Variants in FSTL1 observed in about 807,000 individuals in gnomAD.
FSTL1 encodes the protein follistatin like 1, also known as follistatin-related protein 1.
A neutral mutation model predicts 45.9 loss-of-function variants in FSTL1; 24 were observed. The ratio of observed to expected loss-of-function variants is 0.52; its 90% CI spans 0.38 to 0.74. FSTL1 has a LOEUF of 0.74. Ranked by LOEUF, FSTL1 falls within the 30% of genes least tolerant of loss-of-function variation. The pLI, the probability that FSTL1 is intolerant of heterozygous loss-of-function variation, is 0.00. For synonymous variants in FSTL1, 120 were observed against 137.6 expected (o/e 0.87, Z 0.89); for missense variants, 340 against 381.8 (o/e 0.89, Z 0.91).
At chr3:120,430,753 C>T (rs1372280501) in intron 2 of FSTL1, among the ~76,000 whole-genome samples, 1 of 152,122 alleles carries the variant, frequency 6.6e-6, no homozygotes, top group African/African-American at 2.4e-5. Flanking sequence ...GTGCCAGGGG[C>T]TCAAGGAGGA....
At chr3:120,420,596 C>T (rs1342315427) in intron 2 of FSTL1, among the ~76,000 whole-genome samples, 1 of 152,204 alleles carries the variant, frequency 6.6e-6, no homozygotes, top group South Asian at 2.1e-4. Flanking sequence ...AGACTGGGAA[C>T]ATTCCTGACT....
At chr3:120,426,649 C>T (rs897240740) in intron 2 of FSTL1, among the ~76,000 whole-genome samples, 5 of 152,104 alleles carry the variant, frequency 3.3e-5, no homozygotes, top group Non-Finnish European at 7.3e-5. Flanking sequence ...TCCATTACCC[C>T]AATTTGCACA....
At chr3:120,445,309 G>A (rs1052591018) in intron 2 of FSTL1, among the ~76,000 whole-genome samples, 1 of 149,822 alleles carries the variant, frequency 6.7e-6, no homozygotes, top group Non-Finnish European at 1.5e-5. Flanking sequence ...CTCATATAGA[G>A]AGGATTAATT....
At chr3:120,416,221 C>T (rs1937185150) in intron 2 of FSTL1, among the ~76,000 whole-genome samples, 194 bp from the exon 3 acceptor site, 1 of 152,176 alleles carries the variant, frequency 6.6e-6, no homozygotes, top group South Asian at 2.1e-4. Context: ...CTCCCAGATA[C>T]TGCTTCAGCC....
chr3:120,440,452 C>G (rs1368338636), intron 2 of FSTL1, among the ~76,000 whole-genome samples: 1 of 152,182 alleles, frequency 6.6e-6, no homozygotes, highest in African/African-American at 2.4e-5. Flanking sequence ...TTTCAGAGCT[C>G]AGCTGGTGGG....
intron 2 of FSTL1, among the ~76,000 whole-genome samples, chr3:120,443,147 T>C (rs1183811478): frequency 6.7e-6 from 1 of 149,086 alleles, no homozygotes; most frequent in Non-Finnish European, 1.5e-5. Flanking sequence ...CTACTGGACA[T>C]ACTGATTAGG....
chr3:120,407,611 A>G (rs1936971866), intron 6 of FSTL1, among the ~76,000 whole-genome samples: 2 of 152,344 alleles, frequency 1.3e-5, no homozygotes, highest in Admixed American at 6.5e-5. Flanking sequence ...TCATTGGTTC[A>G]TAACAGTCTC....
At chr3:120,432,120 T>C (rs1241817196) in intron 2 of FSTL1, among the ~76,000 whole-genome samples, 3 of 152,212 alleles carry the variant, frequency 2.0e-5, no homozygotes, top group Non-Finnish European at 4.4e-5. Context: ...GGCATACAAA[T>C]CCATGGACAA....
intron 2 of FSTL1, among the ~76,000 whole-genome samples, chr3:120,424,935 C>T (rs1223108285): frequency 2.0e-5 from 3 of 151,840 alleles, no homozygotes; most frequent in Non-Finnish European, 4.4e-5. Flanking sequence ...CATATCTGGG[C>T]GTCACCTGTG....
intron 2 of FSTL1, 59 bp from the exon 3 acceptor site, chr3:120,416,086 G>A (rs988541556): frequency 4.3e-6 from 5 of 1,169,550 alleles, no homozygotes; most frequent in South Asian, 2.4e-5. Flanking sequence ...TATGGAATGA[G>A]CCCATAATGA....
intron 2 of FSTL1, among the ~76,000 whole-genome samples, chr3:120,439,905 G>A (rs1230317036): frequency 1.3e-5 from 2 of 152,192 alleles, no homozygotes; most frequent in African/African-American, 2.4e-5. Flanking sequence ...CCTAAGCCCA[G>A]GAGTTAGAGA....
In FSTL1 at chr3:120,411,936, GGTCTT is replaced by G; in HGVS notation, c.211_215del (p.Lys71LeufsTer6). On this transcript the variant is annotated frameshift_variant, in exon 4 of 11. Transcript: ENST00000295633. LOFTEE classifies it high-confidence loss of function. The stretch of plus-strand genomic sequence containing the variant: ...GATGCAGTTCACAGTGGTTGAGGTA[GGTCTT>G]GCCATTACTGCCACACACAGGCCTC... 1 of 1,613,086 alleles carries G rather than the reference GGTCTT, an allele frequency of 6.2e-7. No individual in the cohort carries two copies. Among genetic ancestry groups the G allele is most frequent in the South Asian group, 1.1e-5 (1 of 91,052 alleles).
intron 2 of FSTL1, chr3:120,421,631 GTC>G (rs963220415): frequency 2.0e-5 from 3 of 152,272 alleles, no homozygotes; most frequent in African/African-American, 7.2e-5. Context: ...CCTTGTTCAA[GTC>G]TCTCTTTTTT....
In FSTL1 at chr3:120,450,754, A is replaced by G. The variant is rs1937878371; in HGVS notation, c.1-8T>C. The G allele has an allele frequency of 2.5e-6, 4 of 1,573,316 alleles. No homozygotes were observed. Among genetic ancestry groups the G allele is most frequent in the Non-Finnish European group, 3.4e-6 (4 of 1,166,512 alleles). ...GAGCCAGCGTTTCCACATCTGCGGA[A>G]GAGAGAAGAGAGCGAGTCTGAAGGC... On this transcript the variant is annotated splice_polypyrimidine_tract_variant and splice_region_variant and intron_variant, in intron 1 of 10. Transcript: ENST00000295633.
intron 2 of FSTL1, among the ~76,000 whole-genome samples, chr3:120,445,247 C>T (rs1937712180): frequency 6.7e-6 from 1 of 149,662 alleles, no homozygotes; most frequent in African/African-American, 2.6e-5. Flanking sequence ...ACAAGGAAAG[C>T]CATTTATTGT....
At position 120,403,934 on chromosome 3, in the gene FSTL1, A is replaced by AAC. The variant is rs1560011527; in HGVS notation, c.582-581_582-580insGT. Among the ~76,000 whole-genome samples, 7 of 129,524 alleles carry AAC rather than the reference A, an allele frequency of 5.4e-5. 1 individual carries two copies. Among genetic ancestry groups the AAC allele is most frequent in the Admixed American group, 1.6e-4 (2 of 12,844 alleles). The allele number at this position is 129,524 out of a possible 152,430, so 85.0% of individuals were successfully genotyped here. ...AGACTCCGTCTCAAAAAAAAAAAAA[A>AAC]AAAAAAAAAACAAAAACAAAACAAA... On this transcript the variant is annotated intron_variant, in intron 7 of 10. Transcript: ENST00000295633.
chr3:120,435,877 A>C (rs1403032537), intron 2 of FSTL1, among the ~76,000 whole-genome samples: 2 of 152,196 alleles, frequency 1.3e-5, no homozygotes, highest in African/African-American at 2.4e-5. Flanking sequence ...TCTAATCCAC[A>C]CAGCAATTCC....
At chr3:120,403,974 A>ACC (rs1936894578) in intron 7 of FSTL1, among the ~76,000 whole-genome samples, 2 of 34,996 alleles carry the variant, frequency 5.7e-5, no homozygotes, top group Non-Finnish European at 1.1e-4. Context: ...AAACAAAAAC[A>ACC]AAAAAAAACA....
At chr3:120,450,126 G>A (rs1455800677) in intron 2 of FSTL1, among the ~76,000 whole-genome samples, 2 of 152,104 alleles carry the variant, frequency 1.3e-5, no homozygotes, top group African/African-American at 2.4e-5. Context: ...ACGTTACAGG[G>A]AACACTTGGG....
Sources: gnomAD v4.1 joint callset for allele counts (sites outside exome capture counted in the v4.1 genomes callset) on GRCh38, gnomAD v4.1.1 for gene constraint, MANE v1.5 for transcripts, NCBI Gene and HGNC (gene_info 2026-07-23, HGNC 2026-07-21) for gene names.